Variants in CDH23 observed in about 807,000 individuals in gnomAD.
The protein encoded by CDH23 is cadherin related 23, also known as cadherin-23.
Under a neutral mutation model 317.1 loss-of-function variants are expected in CDH23, and 189 were observed. The observed-to-expected ratio is 0.60, with a 90% CI of 0.53 to 0.67. The LOEUF (loss-of-function observed/expected upper bound fraction) is 0.67. Among genes scored for constraint, CDH23 ranks in the 30% least tolerant of loss-of-function variants. CDH23 has a pLI of 0.00. For missense variants in CDH23, 4,401 were observed against 4,592.4 expected (o/e 0.96, Z 1.20); for synonymous variants, 1,839 against 1,876.8 (o/e 0.98, Z 0.52).
At chr10:71,448,279 C>T (rs982983942) in intron 3 of CDH23, among the ~76,000 whole-genome samples, 1 of 152,246 alleles carries the variant, frequency 6.6e-6, no homozygotes, top group Non-Finnish European at 1.5e-5. Flanking sequence ...TTCAGCAGGT[C>T]CTTCTCCTGC....
At chr10:71,788,913 C>A (rs748137506) in intron 44 of CDH23, 27 bp from the exon 45 acceptor site, 2 of 1,211,308 alleles carry the variant, frequency 1.7e-6, no homozygotes, top group African/African-American at 1.5e-5. Flanking sequence ...GCATGGCCTA[C>A]AACGTGCCCC....
intron 1 of CDH23, among the ~76,000 whole-genome samples, chr10:71,424,937 T>C (rs947540801): frequency 2.0e-5 from 3 of 152,172 alleles, no homozygotes; most frequent in African/African-American, 7.2e-5. Context: ...GAAGGGCATC[T>C]GGTCACAGGG....
intron 6 of CDH23, among the ~76,000 whole-genome samples, chr10:71,532,101 A>G (rs538675938): frequency 1.3e-5 from 2 of 152,096 alleles, no homozygotes; most frequent in South Asian, 4.2e-4. Flanking sequence ...AGGGGCTGAG[A>G]CTCCTCCAGG....
intron 3 of CDH23, among the ~76,000 whole-genome samples, chr10:71,487,934 C>T (rs1852440536): frequency 6.6e-6 from 1 of 152,234 alleles, no homozygotes; most frequent in Non-Finnish European, 1.5e-5. Flanking sequence ...ATGCATCCAG[C>T]CTAGAGGCCC....
intron 44 of CDH23, among the ~76,000 whole-genome samples, chr10:71,786,738 T>C (rs1030962643): frequency 3.9e-5 from 6 of 152,102 alleles, no homozygotes; most frequent in Non-Finnish European, 7.4e-5. Flanking sequence ...CCTCAAGCAA[T>C]CCACCTGCCT....
At chr10:71,716,214 G>A (rs1423868844) in intron 28 of CDH23, 8 of 1,551,132 alleles carry the variant, frequency 5.2e-6, no homozygotes, top group Non-Finnish European at 7.0e-6. Flanking sequence ...ATGCAGGCCA[G>A]GGCGATGAGC....
intron 1 of CDH23, among the ~76,000 whole-genome samples, chr10:71,429,657 C>A (rs10823747): frequency 1.3e-5 from 2 of 151,970 alleles, no homozygotes; most frequent in African/African-American, 2.4e-5. Flanking sequence ...GGAAGATGTT[C>A]GTTAACTGAA....
chr10:71,531,501 G>A (rs376853764), intron 6 of CDH23, among the ~76,000 whole-genome samples: 5 of 152,192 alleles, frequency 3.3e-5, no homozygotes, highest in East Asian at 1.9e-4. Context: ...TGAGTTAGTC[G>A]CCCACAGCCT....
Position 71,679,501 on chromosome 10 carries a change from G to A in CDH23, c.1858+9G>A, listed in dbSNP as rs530138785. 43 of 1,598,274 alleles carry A rather than the reference G, an allele frequency of 2.7e-5. No homozygotes were observed. Among genetic ancestry groups the A allele is most frequent in the Non-Finnish European group, 3.3e-5 (39 of 1,171,154 alleles). On this transcript the variant is annotated intron_variant, in intron 17 of 69. Coordinates refer to ENST00000224721, the MANE Select transcript of CDH23 (RefSeq NM_022124.6). ...GTACGAGGGCTATGGAGGTAGGTGT[G>A]GGGCAGAACTCGGGGCCCAGCCAGG...
At chr10:71,775,409 G>C in intron 38 of CDH23, among the ~76,000 whole-genome samples, 1 of 152,124 alleles carries the variant, frequency 6.6e-6, no homozygotes, top group East Asian at 1.9e-4. Context: ...CTTCCCCAGG[G>C]GGATAGAGCC....
In CDH23 at chr10:71,814,706, A is replaced by C. The variant is rs546487367; in HGVS notation, c.9739-246A>C. On this transcript the variant is annotated intron_variant, in intron 69 of 69. Transcript: ENST00000224721. ...TACACACACACACAATTTTCACAAGAAGCCGATACACACACACACACACAC... is the reference window on the plus strand; with the variant it reads ...TACACACACACACAATTTTCACAAGCAGCCGATACACACACACACACACAC... 9.0e-4 allele frequency among the ~76,000 whole-genome samples: 116 copies of C among 128,624 alleles called. 1 individual carries two copies. Among genetic ancestry groups the C allele is most frequent in the African/African-American group, 3.5e-3 (111 of 31,940 alleles). 84.4% of individuals were successfully genotyped at this position (128,624 alleles called of 152,430 possible).
At chr10:71,649,675 C>G (rs1863071694) in intron 14 of CDH23, among the ~76,000 whole-genome samples, 2 of 152,176 alleles carry the variant, frequency 1.3e-5, no homozygotes, top group African/African-American at 4.8e-5. Context: ...CTGGCAGAAC[C>G]CACACATACA....
At chr10:71,690,160 T>G (rs1865131573) in intron 19 of CDH23, among the ~76,000 whole-genome samples, 1 of 152,132 alleles carries the variant, frequency 6.6e-6, no homozygotes, top group Admixed American at 6.5e-5. Flanking sequence ...GTGTATTTAA[T>G]ATAGTGGCCA....
chr10:71,520,944 C>T (rs1160687729), intron 6 of CDH23, among the ~76,000 whole-genome samples: 1 of 152,066 alleles, frequency 6.6e-6, no homozygotes, highest in Non-Finnish European at 1.5e-5. Context: ...CGAGACAGAG[C>T]GAGCTTTGGG....
intron 26 of CDH23, chr10:71,707,300 G>C: frequency 7.0e-7 from 1 of 1,431,276 alleles, no homozygotes. Context: ...GGGACGGGGA[G>C]CATCTACCAA....
In CDH23 at chr10:71,687,644, C is replaced by T. The variant is rs1297413079; in HGVS notation, c.1987-3C>T. On this transcript the variant is annotated splice_region_variant and splice_polypyrimidine_tract_variant and intron_variant, in intron 18 of 69. Coordinates refer to ENST00000224721, the MANE Select transcript of CDH23 (RefSeq NM_022124.6). ...TCCTGCAACCTGTCTGTGTTCCTTCCAGGATGAGAATGACAACCCTCCCAC... is the reference window on the plus strand; with the variant it reads ...TCCTGCAACCTGTCTGTGTTCCTTCTAGGATGAGAATGACAACCCTCCCAC... 6.2e-7 allele frequency: 1 copy of T among 1,613,846 alleles called. No homozygotes were observed.
intron 53 of CDH23, among the ~76,000 whole-genome samples, chr10:71,802,554 G>T (rs1425012412): frequency 6.6e-6 from 1 of 152,168 alleles, no homozygotes; most frequent in African/African-American, 2.4e-5. Flanking sequence ...GATTTATAGG[G>T]CCCTGTGGGG....
rs541830834 is a variant in CDH23 at position 71,728,711 on chromosome 10, C to T, written c.3580-1758C>T. Among the ~76,000 whole-genome samples the T allele has an allele frequency of 2.2e-4, 33 of 152,318 alleles. No homozygotes were observed. The South Asian group carries it at 6.8e-3, about 32-fold the overall frequency. On this transcript the variant is annotated intron_variant, in intron 30 of 69. Coordinates refer to ENST00000224721, the MANE Select transcript of CDH23 (RefSeq NM_022124.6). ...TGGCAAGTTCCTACCGGCCCCAGCT[C>T]TGTTTGGCTGGGAAGAGGGTGCCTC...
chr10:71,502,970 G>A (rs187706072), intron 3 of CDH23, among the ~76,000 whole-genome samples: 57 of 152,298 alleles, frequency 3.7e-4, no homozygotes, highest in East Asian at 3.1e-3. Context: ...TCCAGGAGCC[G>A]CATGACCACA....
Sources: gnomAD v4.1 joint callset for allele counts (sites outside exome capture counted in the v4.1 genomes callset) on GRCh38, gnomAD v4.1.1 for gene constraint, MANE v1.5 for transcripts, NCBI Gene and HGNC (gene_info 2026-07-23, HGNC 2026-07-21) for gene names.